Variants in ULK4 observed in about 807,000 individuals in gnomAD.
ULK4 encodes the protein unc-51 like kinase 4, also known as inactive serine/threonine-protein kinase ULK4.
In ULK4, 133 loss-of-function variants were observed where a neutral mutation model predicts 160.6. That is an observed-to-expected ratio of 0.83 (90% CI 0.72 to 0.96). ULK4 has a LOEUF of 0.96. Among genes scored for constraint, ULK4 ranks in the 40% least tolerant of loss-of-function variants. The probability of loss-of-function intolerance (pLI) is 0.00; values close to 1 mark genes in which losing one functional copy is unlikely to be tolerated. For synonymous variants in ULK4, 534 were observed against 539.8 expected (o/e 0.99, Z 0.15); for missense variants, 1,580 against 1,499.5 (o/e 1.05, Z -0.89).
At chr3:41,821,790 C>T (rs55862962) in intron 18 of ULK4, among the ~76,000 whole-genome samples, 10,977 of 152,092 alleles carry the variant, frequency 0.072, 1,249 homozygotes, top group African/African-American at 0.24. Flanking sequence ...ACTAACTCCT[C>T]GCCCACTCCA....
intron 34 of ULK4, among the ~76,000 whole-genome samples, chr3:41,422,336 T>C (rs1443228302): frequency 6.6e-6 from 1 of 152,120 alleles, no homozygotes; most frequent in Non-Finnish European, 1.5e-5. Context: ...ACTTGTAAGA[T>C]TTCTTTGTTG....
chr3:41,870,180 T>C (rs1189815684), intron 17 of ULK4, among the ~76,000 whole-genome samples: 1 of 152,260 alleles, frequency 6.6e-6, no homozygotes, highest in Non-Finnish European at 1.5e-5. Flanking sequence ...TGAGCCTAGA[T>C]GTAGTCCTCT....
At chr3:41,539,452 C>T (rs2086623561) in intron 32 of ULK4, among the ~76,000 whole-genome samples, 1 of 152,102 alleles carries the variant, frequency 6.6e-6, no homozygotes, top group African/African-American at 2.4e-5. Flanking sequence ...TTCTGAAGCT[C>T]ACTGTTACCC....
intron 16 of ULK4, among the ~76,000 whole-genome samples, chr3:41,886,175 T>A (rs971585945): frequency 6.6e-6 from 1 of 152,214 alleles, no homozygotes; most frequent in Non-Finnish European, 1.5e-5. Context: ...CAATATGTGC[T>A]GAATGTGGAA....
Position 41,305,576 on chromosome 3 carries a change from C to A in ULK4, c.3679-56002G>T, listed in dbSNP as rs867268102. On this transcript the variant is annotated intron_variant, in intron 35 of 36. Transcript: ENST00000301831. The stretch of plus-strand genomic sequence containing the variant: ...GCGTGATCTCGGCTCGCTACAACGT[C>A]CACCTCCCAGCCGCCTGCCTTGGCC... Among the ~76,000 whole-genome samples, 81 of 152,332 alleles carry A rather than the reference C, an allele frequency of 5.3e-4. 1 individual carries two copies. The Middle Eastern group carries it at 0.014, about 26-fold the overall frequency.
chr3:41,323,552 TAAA>T (rs1244265531), intron 35 of ULK4, among the ~76,000 whole-genome samples: 2 of 152,082 alleles, frequency 1.3e-5, no homozygotes, highest in African/African-American at 4.8e-5. Context: ...TACTACTGAC[TAAA>T]GATCTTCATT....
intron 17 of ULK4, among the ~76,000 whole-genome samples, chr3:41,870,431 T>C (rs1179023082): frequency 6.6e-6 from 1 of 152,204 alleles, no homozygotes; most frequent in Non-Finnish European, 1.5e-5. Context: ...GTTTGAGTCA[T>C]TTCTATTAAA....
chr3:41,363,162 C>T (rs2081182130), intron 35 of ULK4, among the ~76,000 whole-genome samples: 1 of 152,224 alleles, frequency 6.6e-6, no homozygotes, highest in Non-Finnish European at 1.5e-5. Context: ...TTAAGCCTAA[C>T]AAGGCATAAG....
intron 36 of ULK4, among the ~76,000 whole-genome samples, chr3:41,247,569 T>TCTTGAC (rs1191745409): frequency 1.3e-5 from 2 of 151,484 alleles, no homozygotes; most frequent in African/African-American, 4.9e-5. Flanking sequence ...CGTGGCACAC[T>TCTTGAC]CTTGACTGCA....
intron 32 of ULK4, among the ~76,000 whole-genome samples, chr3:41,554,879 C>T (rs1475598902): frequency 6.6e-6 from 1 of 152,026 alleles, no homozygotes; most frequent in Non-Finnish European, 1.5e-5. Context: ...ACAAAAAACC[C>T]TTTTCACCAT....
chr3:41,858,081 C>T (rs905485926), intron 17 of ULK4, among the ~76,000 whole-genome samples: 2 of 150,044 alleles, frequency 1.3e-5, no homozygotes, highest in Non-Finnish European at 3.0e-5. Flanking sequence ...TTGACGTAGG[C>T]ACTTATAGCT....
At chr3:41,426,940 G>C (rs2082789932) in intron 34 of ULK4, among the ~76,000 whole-genome samples, 1 of 152,060 alleles carries the variant, frequency 6.6e-6, no homozygotes, top group Admixed American at 6.6e-5. Context: ...AGGAGACAGA[G>C]ACACAAAAAA....
At chr3:41,719,877 A>G (rs917064989) in intron 22 of ULK4, among the ~76,000 whole-genome samples, 2 of 152,050 alleles carry the variant, frequency 1.3e-5, no homozygotes, top group Non-Finnish European at 2.9e-5. Context: ...CCTGACCCCC[A>G]ATTACTTCTC....
At chr3:41,831,532 T>TATATATATATATA (rs577123829) in intron 18 of ULK4, among the ~76,000 whole-genome samples, 16 of 125,828 alleles carry the variant, frequency 1.3e-4, no homozygotes, top group African/African-American at 6.8e-4. Flanking sequence ...TATATATATA[T>TATATATATATATA]TTTTTTTTCT....
chr3:41,877,556 A>T (rs1292814313), intron 17 of ULK4, among the ~76,000 whole-genome samples: 1 of 152,008 alleles, frequency 6.6e-6, no homozygotes, highest in East Asian at 1.9e-4. Context: ...CGAACGCCTG[A>T]ACTCAAGTGA....
At chr3:41,281,492 C>A (rs1157882270) in intron 35 of ULK4, among the ~76,000 whole-genome samples, 2 of 152,158 alleles carry the variant, frequency 1.3e-5, no homozygotes, top group Non-Finnish European at 1.5e-5. Context: ...AAGGCTGGCT[C>A]AATATATGCA....
intron 35 of ULK4, among the ~76,000 whole-genome samples, chr3:41,275,445 C>T (rs549519429): frequency 6.6e-6 from 1 of 152,284 alleles, no homozygotes; most frequent in South Asian, 2.1e-4. Context: ...AGAAACAAAA[C>T]ATTAGATCAA....
At chr3:41,266,529 G>A (rs546297947) in intron 35 of ULK4, among the ~76,000 whole-genome samples, 19 of 152,180 alleles carry the variant, frequency 1.2e-4, no homozygotes, top group East Asian at 3.9e-4. Context: ...GAATTCTCAC[G>A]CACAGGCTGT....
At chr3:41,819,107 A>G (rs9818169) in intron 19 of ULK4, among the ~76,000 whole-genome samples, 38,755 of 152,112 alleles carry the variant, frequency 0.25, 6,118 homozygotes, top group African/African-American at 0.45. Context: ...TTACTAAACT[A>G]GTGTATCAAT....
Sources: allele counts gnomAD v4.1 joint callset (sites outside exome capture counted in the v4.1 genomes callset), GRCh38; gene constraint gnomAD v4.1.1; transcripts MANE v1.5; gene names NCBI Gene and HGNC (gene_info 2026-07-23, HGNC 2026-07-21).